RRAS2: variants seen among roughly 807,000 people sequenced by gnomAD.
RRAS2 encodes the protein RAS related 2.
RRAS2 carries 7 observed loss-of-function variants against 27.6 expected under a neutral mutation model. The ratio of observed to expected loss-of-function variants is 0.25; its 90% CI spans 0.14 to 0.48. The LOEUF (loss-of-function observed/expected upper bound fraction) is 0.48. Ranked by LOEUF, RRAS2 falls within the 20% of genes least tolerant of loss-of-function variation. The probability of loss-of-function intolerance (pLI) is 0.99; values close to 1 mark genes in which losing one functional copy is unlikely to be tolerated. For missense variants in RRAS2, 178 were observed against 256.2 expected (o/e 0.69, Z 2.08); for synonymous variants, 86 against 90.9 (o/e 0.95, Z 0.31).
At chr11:14,330,200 C>T (rs1451761178) in intron 1 of RRAS2, among the ~76,000 whole-genome samples, 2 of 152,118 alleles carry the variant, frequency 1.3e-5, no homozygotes, top group Non-Finnish European at 2.9e-5. Context: ...TTTTAGAAAA[C>T]AAACCCAAAG....
intron 1 of RRAS2, among the ~76,000 whole-genome samples, chr11:14,354,731 C>T (rs1437356110): frequency 6.1e-5 from 8 of 130,110 alleles, no homozygotes; most frequent in Non-Finnish European, 1.2e-4. Flanking sequence ...GGCTGGAGTG[C>T]AGTGGCGCAA....
chr11:14,349,831 A>G (rs978727254), intron 1 of RRAS2, among the ~76,000 whole-genome samples: 7 of 152,208 alleles, frequency 4.6e-5, no homozygotes, highest in African/African-American at 1.2e-4. Flanking sequence ...TAAGTTACTC[A>G]TTTGAAATAC....
Position 14,359,163 on chromosome 11 carries a change from C to G in RRAS2, c.-293G>C. On this transcript the variant is annotated 5_prime_UTR_variant, in exon 1 of 6. Transcript: ENST00000256196. Reference sequence around the variant, plus strand: ...AGCGCCTGCCGAACGCAGCCTCCAGCGCCGCCACAAATGGCCGTCTGGGGG... The same window carrying G: ...AGCGCCTGCCGAACGCAGCCTCCAGGGCCGCCACAAATGGCCGTCTGGGGG... The G allele has an allele frequency of 9.9e-7, 1 of 1,013,698 alleles. No individual in the cohort carries two copies. The highest frequency in any genetic ancestry group is 1.2e-6 in the Non-Finnish European group (1 of 849,036). 62.8% of individuals were successfully genotyped at this position (1,013,698 alleles called of 1,614,324 possible).
At chr11:14,341,845 T>C (rs191950730) in intron 1 of RRAS2, 37 of 454,252 alleles carry the variant, frequency 8.1e-5, no homozygotes, top group Admixed American at 7.5e-4. Context: ...TGTAATATGA[T>C]TGAAGACTCT....
At chr11:14,336,375 C>A (rs782073825) in intron 1 of RRAS2, among the ~76,000 whole-genome samples, 51 of 151,938 alleles carry the variant, frequency 3.4e-4, no homozygotes, top group Admixed American at 1.6e-3. Flanking sequence ...AGATCCCAAA[C>A]CAAATGACAA....
At chr11:14,291,650 C>T (rs1333371625) in intron 4 of RRAS2, among the ~76,000 whole-genome samples, 1 of 151,504 alleles carries the variant, frequency 6.6e-6, no homozygotes, top group African/African-American at 2.4e-5. Context: ...TGTTCTCTCA[C>T]TTTTTTACCC....
rs1286139694 is a variant in RRAS2 at position 14,352,620 on chromosome 11, G to T, written c.108+6143C>A. On this transcript the variant is annotated intron_variant, in intron 1 of 5. Coordinates refer to ENST00000256196, the MANE Select transcript of RRAS2 (RefSeq NM_012250.6). ...CTCATTATCACTTTTCATTAAGGAA[G>T]GCACGGTGGAATTAATATCCTAAAG... 2.0e-5 allele frequency among the ~76,000 whole-genome samples: 3 copies of T among 151,306 alleles called. No individual in the cohort carries two copies. The East Asian group carries it at 5.8e-4, about 29-fold the overall frequency.
intron 1 of RRAS2, among the ~76,000 whole-genome samples, chr11:14,346,035 GT>G (rs1848821961): frequency 6.6e-6 from 1 of 152,158 alleles, no homozygotes; most frequent in African/African-American, 2.4e-5. Flanking sequence ...AAAAATACCA[GT>G]TTTGTGGCCT....
At chr11:14,354,672 CTTTTTTTTT>C (rs35556947) in intron 1 of RRAS2, among the ~76,000 whole-genome samples, 1 of 110,442 alleles carries the variant, frequency 9.1e-6, no homozygotes, top group South Asian at 3.1e-4. Context: ...GTAACAATTT[CTTTTTTTTT>C]TTTTTTTTTT....
chr11:14,341,449 T>TC (rs1848703635), intron 1 of RRAS2, among the ~76,000 whole-genome samples: 1 of 152,170 alleles, frequency 6.6e-6, no homozygotes, highest in Non-Finnish European at 1.5e-5. Context: ...TTTGGAGAAA[T>TC]CTTCAGAAAC....
rs1349890394 is a variant in RRAS2 at position 14,281,731 on chromosome 11, A to G, written c.409-11T>C. The G allele has an allele frequency of 6.3e-7, 1 of 1,583,182 alleles. No homozygotes were observed. The highest frequency in any genetic ancestry group is 1.8e-5 in the Admixed American group (1 of 56,504). ...TTCTTCCTGTGTTACCTGAAATTCC[A>G]ACAGTTATGTTTATGGTACATTATT... On this transcript the variant is annotated splice_polypyrimidine_tract_variant and intron_variant, in intron 4 of 5. Coordinates refer to ENST00000256196, the MANE Select transcript of RRAS2 (RefSeq NM_012250.6).
intron 1 of RRAS2, among the ~76,000 whole-genome samples, chr11:14,319,345 C>CTTTTTTTTTTT (rs1156654694): frequency 3.3e-5 from 3 of 91,516 alleles, no homozygotes; most frequent in Non-Finnish European, 5.8e-5. Flanking sequence ...TTCCCTCTGT[C>CTTTTTTTTTTT]TTTTTTTTTT....
chr11:14,317,541 T>C (rs926669428), intron 1 of RRAS2, among the ~76,000 whole-genome samples: 13 of 152,110 alleles, frequency 8.5e-5, no homozygotes, highest in Admixed American at 1.3e-4. Context: ...GACCGTGCCA[T>C]TGCACTCCAG....
chr11:14,302,073 T>TACACACAC (rs57730782), intron 1 of RRAS2, among the ~76,000 whole-genome samples: 2,802 of 142,430 alleles, frequency 0.02, 67 homozygotes, highest in African/African-American at 0.03. Flanking sequence ...ACCACACACA[T>TACACACAC]ACACACACAC....
At chr11:14,305,411 C>T (rs1208995835) in intron 1 of RRAS2, among the ~76,000 whole-genome samples, 1 of 152,174 alleles carries the variant, frequency 6.6e-6, no homozygotes, top group African/African-American at 2.4e-5. Context: ...GTAATTTTTC[C>T]TAAGAAGAAA....
intron 2 of RRAS2, among the ~76,000 whole-genome samples, chr11:14,295,313 A>G (rs1847514697): frequency 6.6e-6 from 1 of 152,260 alleles, no homozygotes; most frequent in Non-Finnish European, 1.5e-5. Context: ...TAAAAGAATC[A>G]TACATATTAG....
intron 1 of RRAS2, among the ~76,000 whole-genome samples, chr11:14,322,589 T>C (rs1554950437): frequency 6.6e-6 from 1 of 152,216 alleles, no homozygotes; most frequent in Non-Finnish European, 1.5e-5. Context: ...TTCCAAATTA[T>C]TTACCTAAGA....
At chr11:14,297,044 G>A (rs1382174753) in intron 1 of RRAS2, among the ~76,000 whole-genome samples, 3 of 151,964 alleles carry the variant, frequency 2.0e-5, no homozygotes, top group African/African-American at 7.3e-5. Context: ...AAAAGAAAAA[G>A]GTTTAAAAAA....
chr11:14,332,704 G>A (rs1848504873), intron 1 of RRAS2, among the ~76,000 whole-genome samples: 8 of 152,108 alleles, frequency 5.3e-5, no homozygotes, highest in Admixed American at 3.3e-4. Context: ...GACCTTCTTG[G>A]AGAGATAGAA....
Sources: gnomAD v4.1 joint callset for allele counts (sites outside exome capture counted in the v4.1 genomes callset) on GRCh38, gnomAD v4.1.1 for gene constraint, MANE v1.5 for transcripts, NCBI Gene and HGNC (gene_info 2026-07-23, HGNC 2026-07-21) for gene names.